PTPRN2: variants seen among roughly 807,000 people sequenced by gnomAD.
The protein encoded by PTPRN2 is receptor-type tyrosine-protein phosphatase N2.
Under a neutral mutation model 118.8 loss-of-function variants are expected in PTPRN2, and 74 were observed. That is an observed-to-expected ratio of 0.62 (90% CI 0.52 to 0.76). The LOEUF (loss-of-function observed/expected upper bound fraction) is 0.76. Ranked by LOEUF, PTPRN2 falls within the 30% of genes least tolerant of loss-of-function variation. The pLI is 0.00. For synonymous variants in PTPRN2, 641 were observed against 608.0 expected, an observed-to-expected ratio of 1.05 and a Z score of -0.80; for missense variants, 1,481 against 1,394.4, an observed-to-expected ratio of 1.06 and a Z score of -0.99.
intron 14 of PTPRN2, among the ~76,000 whole-genome samples, chr7:157,655,524 C>T (rs540711911): frequency 6.6e-6 from 1 of 152,338 alleles, no homozygotes; most frequent in South Asian, 2.1e-4. Context: ...CAGGGTCCAT[C>T]CTGCAACCTG....
chr7:157,950,469 TG>T (rs1158170536), intron 11 of PTPRN2, among the ~76,000 whole-genome samples: 1 of 152,194 alleles, frequency 6.6e-6, no homozygotes, highest in African/African-American at 2.4e-5. Flanking sequence ...GGGTTATTTT[TG>T]TTGGTATTTG....
At chr7:158,245,710 C>T (rs891063134) in intron 3 of PTPRN2, among the ~76,000 whole-genome samples, 1 of 152,140 alleles carries the variant, frequency 6.6e-6, no homozygotes, top group Admixed American at 6.5e-5. Flanking sequence ...TGGCAGTTTC[C>T]CCAGGAGTCA....
chr7:157,894,180 A>G (rs1194893439), intron 12 of PTPRN2, among the ~76,000 whole-genome samples: 1 of 152,246 alleles, frequency 6.6e-6, no homozygotes, highest in African/African-American at 2.4e-5. Context: ...CGCATGACGC[A>G]TGGCATCAAC....
intron 5 of PTPRN2, among the ~76,000 whole-genome samples, chr7:158,173,252 C>G (rs1387082614): frequency 6.6e-6 from 1 of 152,204 alleles, no homozygotes; most frequent in Non-Finnish European, 1.5e-5. Context: ...GAACCAGCCC[C>G]CAATATTTCA....
chr7:157,856,469 C>T (rs1809719672), intron 12 of PTPRN2, among the ~76,000 whole-genome samples: 1 of 152,266 alleles, frequency 6.6e-6, no homozygotes, highest in African/African-American at 2.4e-5. Context: ...GTTCCCACCA[C>T]AGGCCGGTGC....
At chr7:158,451,860 A>G (rs1818116344) in intron 2 of PTPRN2, among the ~76,000 whole-genome samples, 1 of 152,206 alleles carries the variant, frequency 6.6e-6, no homozygotes, top group Non-Finnish European at 1.5e-5. Flanking sequence ...CAAAATTATT[A>G]AAAATTCCCC....
At chr7:158,167,764 C>A (rs541923305) in intron 5 of PTPRN2, among the ~76,000 whole-genome samples, 1 of 152,220 alleles carries the variant, frequency 6.6e-6, no homozygotes, top group African/African-American at 2.4e-5. Context: ...TGTGTGGCAT[C>A]TGTGCCTGGC....
intron 12 of PTPRN2, among the ~76,000 whole-genome samples, chr7:157,830,743 G>C (rs1181484581): frequency 6.6e-6 from 1 of 152,212 alleles, no homozygotes; most frequent in Non-Finnish European, 1.5e-5. Context: ...AAAACGTAAA[G>C]GTAGAAGTAT....
intron 11 of PTPRN2, chr7:158,029,824 G>C (rs546990700): frequency 1.3e-5 from 2 of 152,374 alleles, no homozygotes; most frequent in Non-Finnish European, 2.9e-5. Context: ...ATGTTCACAG[G>C]GGCTGGAGGC....
At position 157,913,373 on chromosome 7, in the gene PTPRN2, T is replaced by C. The variant is rs546856310; in HGVS notation, c.1724-14636A>G. On this transcript the variant is annotated intron_variant, in intron 11 of 22. Transcript: ENST00000389418. ...TGTGAATAATGACAGGCTTGCTCCT[T>C]CTCTCCTAAGTGCACCCTTTATCTC... 1.1e-4 allele frequency among the ~76,000 whole-genome samples: 16 copies of C among 152,298 alleles called. No homozygotes were observed. The South Asian group carries it at 3.3e-3, about 32-fold the overall frequency.
At chr7:158,322,348 A>G (rs912859618) in intron 2 of PTPRN2, among the ~76,000 whole-genome samples, 1 of 152,210 alleles carries the variant, frequency 6.6e-6, no homozygotes, top group Non-Finnish European at 1.5e-5. Context: ...AGGCTGCAAA[A>G]AAGGGCACGA....
Position 157,874,892 on chromosome 7 carries a change from C to T in PTPRN2, c.1788+23781G>A, listed in dbSNP as rs543413775. 2.0e-5 allele frequency among the ~76,000 whole-genome samples: 3 copies of T among 152,092 alleles called. No individual in the cohort carries two copies. The highest frequency in any genetic ancestry group is 4.4e-5 in the Non-Finnish European group (3 of 68,026). ...GTGCACATACACACACGGAGACACA[C>T]TCGTGCACATACACACACACTCATG... On this transcript the variant is annotated intron_variant, in intron 12 of 22. Transcript: ENST00000389418. The surrounding 1 kb of genome is among the most constrained non-coding windows in gnomAD (Gnocchi z 5.8).
At chr7:157,956,878 T>C (rs1186963743) in intron 11 of PTPRN2, among the ~76,000 whole-genome samples, 1 of 152,264 alleles carries the variant, frequency 6.6e-6, no homozygotes, top group Non-Finnish European at 1.5e-5. Context: ...AGAAGTTGTT[T>C]CAATTGCCAC....
intron 2 of PTPRN2, among the ~76,000 whole-genome samples, chr7:158,439,278 A>G (rs1816807088): frequency 6.6e-6 from 1 of 152,046 alleles, no homozygotes; most frequent in African/African-American, 2.4e-5. Context: ...TCAGCCCCCG[A>G]CCACCTCAGG....
chr7:158,094,645 G>C (rs1195038679), intron 10 of PTPRN2, among the ~76,000 whole-genome samples: 1 of 152,202 alleles, frequency 6.6e-6, no homozygotes, highest in Non-Finnish European at 1.5e-5. Flanking sequence ...CTCTCATGAT[G>C]CTTAAGGATT....
intron 2 of PTPRN2, among the ~76,000 whole-genome samples, chr7:158,349,817 C>G (rs945691467): frequency 6.9e-6 from 1 of 144,996 alleles, no homozygotes; most frequent in Non-Finnish European, 1.5e-5. Flanking sequence ...TGAGGGTGGC[C>G]CACATCACTG....
intron 5 of PTPRN2, among the ~76,000 whole-genome samples, chr7:158,171,811 T>C (rs1043340128): frequency 6.6e-6 from 1 of 152,196 alleles, no homozygotes; most frequent in East Asian, 1.9e-4. Flanking sequence ...CAGTTCAACA[T>C]ACCAATGAAG....
intron 2 of PTPRN2, among the ~76,000 whole-genome samples, chr7:158,442,904 G>GACA (rs10668573): frequency 0.51 from 77,849 of 151,728 alleles, 20,197 homozygotes; most frequent in East Asian, 0.65. Context: ...TTGCCTTACG[G>GACA]ACAAGAGGAG....
At chr7:158,289,548 T>C (rs1259438546) in intron 3 of PTPRN2, among the ~76,000 whole-genome samples, 4 of 152,238 alleles carry the variant, frequency 2.6e-5, no homozygotes, top group Admixed American at 2.0e-4. Context: ...CTAATTGCAG[T>C]CATTTACTGT....
Sources: allele counts gnomAD v4.1 joint callset (sites outside exome capture counted in the v4.1 genomes callset), GRCh38; gene constraint gnomAD v4.1.1; non-coding constraint Gnocchi (gnomAD v3.1); transcripts MANE v1.5; gene names NCBI Gene and HGNC (gene_info 2026-07-23, HGNC 2026-07-21).